Variants in MOK observed in about 807,000 individuals in gnomAD.
MOK encodes the protein MOK protein kinase, also known as MAPK/MAK/MRK overlapping kinase.
In MOK, 59 loss-of-function variants were observed where a neutral mutation model predicts 54.2. The ratio of observed to expected loss-of-function variants is 1.09; its 90% CI spans 0.88 to 1.35. MOK has a LOEUF of 1.35. Ranked by LOEUF, MOK falls within the 40% of genes most tolerant of loss-of-function variation. MOK has a pLI of 0.00. For missense variants in MOK, 517 were observed against 526.2 expected (o/e 0.98, Z 0.17); for synonymous variants, 210 against 202.7 (o/e 1.04, Z -0.31).
rs1398260761 is a variant in MOK at position 102,240,140 on chromosome 14, A to G, written c.591-6351T>C. Among the ~76,000 whole-genome samples the G allele has an allele frequency of 6.6e-6, 1 of 152,140 alleles. No homozygotes were observed. Among genetic ancestry groups the G allele is most frequent in the African/African-American group, 2.4e-5 (1 of 41,436 alleles). On this transcript the variant is annotated intron_variant, in intron 7 of 11. Transcript: ENST00000361847. The surrounding 1 kb of genome is among the most constrained non-coding windows in gnomAD (Gnocchi z 5.4). ...TGTGATCCCCTAGCCCCTGCCCGCC[A>G]GAGAACAACCCCCTTTGACTGTAAT...
At chr14:102,226,549 T>C (rs1597208447), downstream of MOK, 2 of 672,124 alleles carry the variant, frequency 3.0e-6, no homozygotes, top group Admixed American at 2.1e-5. The surrounding 1 kb of genome is among the most constrained non-coding windows in gnomAD (Gnocchi z 4.8). Context: ...TGGCCTCCTA[T>C]GGGCTGAGCC....
chr14:102,281,498 CAAAA>C (rs1184533713), intron 2 of MOK, among the ~76,000 whole-genome samples: 2 of 48,270 alleles, frequency 4.1e-5, no homozygotes, highest in Non-Finnish European at 4.7e-5. Flanking sequence ...GACCCTGACT[CAAAA>C]AAAAAAAAAA....
In MOK at chr14:102,240,103, C is replaced by T. The variant is rs1005379925; in HGVS notation, c.591-6314G>A. ...CCTTCTCCTGGCTCAGAAGCTTCCA[C>T]ACTGAGCACCTTGTGATCCCCTAGC... On this transcript the variant is annotated intron_variant, in intron 7 of 11. Coordinates refer to ENST00000361847, the MANE Select transcript of MOK (RefSeq NM_014226.3). This position sits in a 1 kb window ranked among gnomAD's most constrained non-coding sequence, Gnocchi z 5.4. Among the ~76,000 whole-genome samples the T allele has an allele frequency of 3.3e-5, 5 of 152,032 alleles. No individual in the cohort carries two copies. Among genetic ancestry groups the T allele is most frequent in the Non-Finnish European group, 7.4e-5 (5 of 67,968 alleles).
Position 102,263,628 on chromosome 14 carries a change from AG to A in MOK, c.213-13del. 6.3e-7 allele frequency: 1 copy of A among 1,584,706 alleles called. No individual in the cohort carries two copies. The highest frequency in any genetic ancestry group is 2.2e-5 in the East Asian group (1 of 44,616). The stretch of plus-strand genomic sequence containing the variant: ...CAGATTTTCTGTCACTGAAGAAGAA[AG>A]CAAGTTTTTAAAATAAATTTTCTGG... On this transcript the variant is annotated splice_polypyrimidine_tract_variant and intron_variant, in intron 3 of 11. Coordinates refer to ENST00000361847, the MANE Select transcript of MOK (RefSeq NM_014226.3).
chr14:102,226,339 G>T, downstream of MOK: 2 of 703,296 alleles, frequency 2.8e-6, no homozygotes, highest in Non-Finnish European at 5.2e-6. The surrounding 1 kb of genome is among the most constrained non-coding windows in gnomAD (Gnocchi z 4.8). Flanking sequence ...TCAGCAGAGG[G>T]TTGAGGGATG....
chr14:102,220,547 C>T (rs2153065963), downstream of MOK, among the ~76,000 whole-genome samples: 1 of 152,130 alleles, frequency 6.6e-6, no homozygotes, highest in East Asian at 1.9e-4. The surrounding 1 kb of genome is among the most constrained non-coding windows in gnomAD (Gnocchi z 4.2). Flanking sequence ...AGTGAAACCC[C>T]ATCTCTACTA....
chr14:102,287,292 A>C (rs2070234986), intron 1 of MOK, among the ~76,000 whole-genome samples: 2 of 152,070 alleles, frequency 1.3e-5, no homozygotes, highest in Non-Finnish European at 2.9e-5. Context: ...AACATGGCGA[A>C]ACTCCATCTC....
chr14:102,216,595 C>A, the MOK span, among the ~76,000 whole-genome samples: 1 of 152,112 alleles, frequency 6.6e-6, no homozygotes, highest in African/African-American at 2.4e-5. Context: ...ACATTTTGGT[C>A]TTTTAAAAAT....
chr14:102,222,348 C>T (rs959217152), downstream of MOK, among the ~76,000 whole-genome samples: 1 of 152,218 alleles, frequency 6.6e-6, no homozygotes, highest in African/African-American at 2.4e-5. This position sits in a 1 kb window ranked among gnomAD's most constrained non-coding sequence, Gnocchi z 4.4. Flanking sequence ...AAAGCAAGAA[C>T]CCCCCAGCAG....
At chr14:102,287,093 A>G (rs1309918494) in intron 1 of MOK, among the ~76,000 whole-genome samples, 1 of 152,216 alleles carries the variant, frequency 6.6e-6, no homozygotes, top group Non-Finnish European at 1.5e-5. Flanking sequence ...CAAAATAACA[A>G]AAACTAAATA....
In MOK at chr14:102,232,575, C is replaced by A; in HGVS notation, c.826G>T (p.Ala276Ser). 2.5e-6 allele frequency: 4 copies of A among 1,613,846 alleles called. No homozygotes were observed. Among genetic ancestry groups the A allele is most frequent in the Non-Finnish European group, 3.4e-6 (4 of 1,179,880 alleles). Residue 276 changes from alanine (A) to serine (S), a missense_variant, in exon 9 of 12, where the codon GCC becomes TCC. Ala to Ser is a moderately conservative substitution (Grantham distance 99, BLOSUM62 1). Transcript: ENST00000361847. This position sits in a 1 kb window ranked among gnomAD's most constrained non-coding sequence, Gnocchi z 5.1. ...VAYDPDERIA[A>S]HQALQHPYFQ... The stretch of plus-strand genomic sequence containing the variant: ...TAGGGGTGCTGCAGGGCCTGGTGGG[C>A]GGCGATTCTCTCATCGGGATCATAG...
intron 7 of MOK, among the ~76,000 whole-genome samples, chr14:102,244,919 A>G (rs2065978876): frequency 6.6e-6 from 1 of 152,042 alleles, no homozygotes; most frequent in Non-Finnish European, 1.5e-5. Flanking sequence ...ATGGTCTTTT[A>G]AAAACACACC....
At chr14:102,241,366 G>A (rs746402482) in intron 7 of MOK, among the ~76,000 whole-genome samples, 1 of 152,184 alleles carries the variant, frequency 6.6e-6, no homozygotes, top group Non-Finnish European at 1.5e-5. Context: ...CCTCACACAG[G>A]GTCCAGCTTA....
intron 1 of MOK, among the ~76,000 whole-genome samples, chr14:102,299,239 C>T (rs1005080344): frequency 7.2e-5 from 11 of 152,130 alleles, no homozygotes; most frequent in Non-Finnish European, 1.5e-4. Context: ...CTGGGCCGGA[C>T]GCAGTGGCTC....
chr14:102,259,989 C>A (rs959120392), intron 4 of MOK, among the ~76,000 whole-genome samples: 37 of 152,234 alleles, frequency 2.4e-4, no homozygotes, highest in African/African-American at 8.9e-4. Flanking sequence ...ACCAGCCTGA[C>A]CAACATGGAA....
chr14:102,217,522 C>T, the MOK span, among the ~76,000 whole-genome samples: 21 of 152,208 alleles, frequency 1.4e-4, no homozygotes, highest in Non-Finnish European at 1.9e-4. Flanking sequence ...GGCAGAGGTA[C>T]GTGGTCCACT....
intron 4 of MOK, among the ~76,000 whole-genome samples, chr14:102,256,152 G>GCAGTGGTA (rs1448947001): frequency 1.3e-5 from 2 of 151,718 alleles, no homozygotes; most frequent in Admixed American, 1.3e-4. Context: ...AGGCTGGAGT[G>GCAGTGGTA]CAGTGGTACA....
Position 102,241,695 on chromosome 14 carries a change from C to A in MOK, c.591-7906G>T, listed in dbSNP as rs923175018. ...CAAAAATTAGATTCCGGCCCTCAAACCCCACAACAGGACTTAATTAACCTC... is the reference window on the plus strand; with the variant it reads ...CAAAAATTAGATTCCGGCCCTCAAAACCCACAACAGGACTTAATTAACCTC... On this transcript the variant is annotated intron_variant, in intron 7 of 11. Transcript: ENST00000361847. Among the ~76,000 whole-genome samples the A allele has an allele frequency of 7.2e-5, 11 of 152,304 alleles. No individual in the cohort carries two copies. In the East Asian group the frequency reaches 2.1e-3, roughly 29 times the overall value.
intron 7 of MOK, among the ~76,000 whole-genome samples, chr14:102,234,522 G>T (rs562314730): frequency 2.6e-5 from 4 of 152,210 alleles, no homozygotes; most frequent in Admixed American, 2.6e-4. Flanking sequence ...GCCTGACACG[G>T]TGGTTACCTC....
Sources: gnomAD v4.1 joint callset for allele counts (sites outside exome capture counted in the v4.1 genomes callset) on GRCh38, gnomAD v4.1.1 for gene constraint, Gnocchi (gnomAD v3.1) non-coding constraint, MANE v1.5 for transcripts, NCBI Gene and HGNC (gene_info 2026-07-23, HGNC 2026-07-21) for gene names.